MAPKAP1: variants seen among roughly 807,000 people sequenced by gnomAD.
MAPKAP1 encodes MAPK associated protein 1, also known as target of rapamycin complex 2 subunit MAPKAP1.
In MAPKAP1, 20 loss-of-function variants were observed where a neutral mutation model predicts 65.7. The ratio of observed to expected loss-of-function variants is 0.30; its 90% CI spans 0.21 to 0.44. MAPKAP1 has a LOEUF of 0.44. Among genes scored for constraint, MAPKAP1 ranks in the 20% least tolerant of loss-of-function variants. The probability of loss-of-function intolerance (pLI) is 1.00; values close to 1 mark genes in which losing one functional copy is unlikely to be tolerated. For synonymous variants in MAPKAP1, 222 were observed against 244.3 expected, an observed-to-expected ratio of 0.91 and a Z score of 0.85; for missense variants, 423 against 648.0, an observed-to-expected ratio of 0.65 and a Z score of 3.77.
At chr9:125,601,301 G>A (rs185017914) in intron 4 of MAPKAP1, among the ~76,000 whole-genome samples, 45 of 151,924 alleles carry the variant, frequency 3.0e-4, no homozygotes, top group Admixed American at 7.9e-4. Flanking sequence ...AAATATTGAA[G>A]GAAATAATCC....
At chr9:125,664,345 C>T (rs997220096) in intron 3 of MAPKAP1, among the ~76,000 whole-genome samples, 1 of 146,534 alleles carries the variant, frequency 6.8e-6, no homozygotes, top group African/African-American at 2.5e-5. Flanking sequence ...AAAACTCCGT[C>T]TCAAAAAAAA....
At chr9:125,511,890 A>G (rs1297479120) in intron 7 of MAPKAP1, among the ~76,000 whole-genome samples, 1 of 152,180 alleles carries the variant, frequency 6.6e-6, no homozygotes, top group Non-Finnish European at 1.5e-5. Context: ...CAGCGACGGG[A>G]AAACCTGCTT....
At chr9:125,603,088 T>TA (rs1554829308) in intron 4 of MAPKAP1, among the ~76,000 whole-genome samples, 1 of 151,276 alleles carries the variant, frequency 6.6e-6, no homozygotes. Flanking sequence ...CTTTTTTTTT[T>TA]ATAGAGACAG....
At chr9:125,643,860 A>G (rs935484953) in intron 4 of MAPKAP1, among the ~76,000 whole-genome samples, 1 of 152,228 alleles carries the variant, frequency 6.6e-6, no homozygotes, top group African/African-American at 2.4e-5. Context: ...CTTCCAGTTT[A>G]ATCTCTCTCC....
chr9:125,579,588 C>T (rs35101297), intron 5 of MAPKAP1, among the ~76,000 whole-genome samples: 11,585 of 152,232 alleles, frequency 0.076, 591 homozygotes, highest in Non-Finnish European at 0.1. Flanking sequence ...CAACCGTGCC[C>T]GGCCCAAGAA....
intron 8 of MAPKAP1, among the ~76,000 whole-genome samples, chr9:125,497,949 T>C (rs1482452275): frequency 6.6e-6 from 1 of 152,226 alleles, no homozygotes; most frequent in Non-Finnish European, 1.5e-5. Flanking sequence ...ACTGGCAACA[T>C]TTGGCAGACA....
intron 8 of MAPKAP1, among the ~76,000 whole-genome samples, chr9:125,489,649 G>A (rs1386332124): frequency 6.6e-6 from 1 of 152,096 alleles, no homozygotes; most frequent in Non-Finnish European, 1.5e-5. Flanking sequence ...AATCAGGAAA[G>A]GAGAACTGAG....
At chr9:125,459,138 G>A (rs1853344180) in intron 10 of MAPKAP1, among the ~76,000 whole-genome samples, 1 of 147,642 alleles carries the variant, frequency 6.8e-6, no homozygotes, top group Non-Finnish European at 1.5e-5. Context: ...TCCCAGACGG[G>A]GTCGCGGCCG....
At chr9:125,500,707 A>G (rs1038861159) in intron 8 of MAPKAP1, among the ~76,000 whole-genome samples, 5 of 152,214 alleles carry the variant, frequency 3.3e-5, no homozygotes, top group Non-Finnish European at 5.9e-5. Flanking sequence ...CATTTTCACT[A>G]CAGACACTTT....
chr9:125,582,614 G>A (rs1831658289), intron 5 of MAPKAP1, among the ~76,000 whole-genome samples: 1 of 152,170 alleles, frequency 6.6e-6, no homozygotes, highest in African/African-American at 2.4e-5. Context: ...GCCACAGTCA[G>A]GTCCTGGTTG....
At chr9:125,570,423 G>A (rs1290498820) in intron 5 of MAPKAP1, among the ~76,000 whole-genome samples, 1 of 152,176 alleles carries the variant, frequency 6.6e-6, no homozygotes, top group Non-Finnish European at 1.5e-5. Flanking sequence ...TAAGGCCTGG[G>A]GACATGTGGA....
chr9:125,699,955 C>T (rs1170798098), intron 1 of MAPKAP1, among the ~76,000 whole-genome samples: 1 of 152,138 alleles, frequency 6.6e-6, no homozygotes, highest in Non-Finnish European at 1.5e-5. Context: ...CAGCCTGGAC[C>T]TGCATCTCTC....
chr9:125,503,909 G>C (rs1185724210), intron 8 of MAPKAP1, among the ~76,000 whole-genome samples: 1 of 49,106 alleles, frequency 2.0e-5, no homozygotes, highest in Non-Finnish European at 4.0e-5. Flanking sequence ...TTTTTTTTTT[G>C]TATTTTTGGT....
rs530688381 is a variant in MAPKAP1, at chr9:125,522,062, G to A, written c.959-15645C>T. Among the ~76,000 whole-genome samples the A allele has an allele frequency of 9.2e-4, 140 of 152,346 alleles. 1 individual carries two copies. The highest frequency in any genetic ancestry group is 9.1e-3 in the South Asian group (44 of 4,826). On this transcript the variant is annotated intron_variant, in intron 7 of 11. Transcript: ENST00000265960. ...ACAGGATTTTGAGCAGATTCAGTGA[G>A]GCACCAGGATTATTCTTTGGCTAGC...
chr9:125,544,220 G>C (rs1314719747), intron 6 of MAPKAP1, among the ~76,000 whole-genome samples: 1 of 152,044 alleles, frequency 6.6e-6, no homozygotes, highest in African/African-American at 2.4e-5. Flanking sequence ...ATCTTGGCCA[G>C]GCTGGTCTTG....
intron 10 of MAPKAP1, among the ~76,000 whole-genome samples, chr9:125,456,084 T>C (rs1853151618): frequency 1.3e-5 from 2 of 152,234 alleles, no homozygotes; most frequent in South Asian, 4.1e-4. Context: ...GTCTTCTGGA[T>C]TGCATTATTT....
chr9:125,439,106 G>A lies in MAPKAP1; in HGVS notation c.1444-94C>T. 1 of 1,472,686 alleles carries A rather than the reference G, an allele frequency of 6.8e-7. No individual in the cohort carries two copies. The highest frequency in any genetic ancestry group is 9.2e-7 in the Non-Finnish European group (1 of 1,085,264). The allele number at this position is 1,472,686 out of a possible 1,614,324, so 91.2% of individuals were successfully genotyped here. Reference sequence around the variant, plus strand: ...GGTGGCAGGGAAGGCCCTGACCTGGGCCGGGTGCCTCAGGGCCAGGTGCTG... The same window carrying A: ...GGTGGCAGGGAAGGCCCTGACCTGGACCGGGTGCCTCAGGGCCAGGTGCTG... On this transcript the variant is annotated intron_variant, in intron 11 of 11. Coordinates refer to ENST00000265960, the MANE Select transcript of MAPKAP1 (RefSeq NM_001006617.3). This position sits in a 1 kb window ranked among gnomAD's most constrained non-coding sequence, Gnocchi z 4.0.
chr9:125,570,502 G>A (rs1463466113), intron 5 of MAPKAP1, among the ~76,000 whole-genome samples: 1 of 152,174 alleles, frequency 6.6e-6, no homozygotes, highest in Non-Finnish European at 1.5e-5. Context: ...GTGTCCTAGT[G>A]TATCTAGGAG....
At chr9:125,686,874 T>A (rs181469785) in intron 1 of MAPKAP1, among the ~76,000 whole-genome samples, 3 of 152,112 alleles carry the variant, frequency 2.0e-5, no homozygotes, top group Non-Finnish European at 4.4e-5. Context: ...TTGCCCAGGC[T>A]GAGGTGCAGG....
Sources: gnomAD v4.1 joint callset for allele counts (sites outside exome capture counted in the v4.1 genomes callset) on GRCh38, gnomAD v4.1.1 for gene constraint, Gnocchi (gnomAD v3.1) non-coding constraint, MANE v1.5 for transcripts, NCBI Gene and HGNC (gene_info 2026-07-23, HGNC 2026-07-21) for gene names.